The following EFCAB8 variants were observed in gnomAD, a reference collection of about 807,000 sequenced individuals.
EFCAB8 encodes the protein EF-hand calcium-binding domain-containing protein 8.
In EFCAB8, 100 loss-of-function variants were observed where a neutral mutation model predicts 116.3. That is an observed-to-expected ratio of 0.86 (90% CI 0.73 to 1.02). The LOEUF (loss-of-function observed/expected upper bound fraction) is 1.02, where lower values mean the gene tolerates loss of function less well. EFCAB8 is among the 50% of genes least tolerant of loss of function. The pLI, the probability that EFCAB8 is intolerant of heterozygous loss-of-function variation, is 0.00. For synonymous variants in EFCAB8, 558 were observed against 567.9 expected, an observed-to-expected ratio of 0.98 and a Z score of 0.25; for missense variants, 1,320 against 1,416.9, an observed-to-expected ratio of 0.93 and a Z score of 1.10.
chr20:32,894,448 G>A (rs934555055), intron 9 of EFCAB8, among the ~76,000 whole-genome samples: 20 of 152,244 alleles, frequency 1.3e-4, no homozygotes, highest in African/African-American at 2.9e-4. Context: ...CTGCGCCACC[G>A]TGGGAACTGG....
At chr20:32,886,718 TC>T (rs1985650596) in intron 6 of EFCAB8, among the ~76,000 whole-genome samples, 1 of 152,204 alleles carries the variant, frequency 6.6e-6, no homozygotes, top group South Asian at 2.1e-4. Context: ...TGCTACATGG[TC>T]ACCAAAGCAC....
rs531427230 is a variant in EFCAB8, at chr20:32,886,194, G to A, written c.567+554G>A. 3.9e-5 allele frequency among the ~76,000 whole-genome samples: 6 copies of A among 152,328 alleles called. No individual in the cohort carries two copies. The South Asian group carries it at 1.2e-3, about 32-fold the overall frequency. The stretch of plus-strand genomic sequence containing the variant: ...TCAGTTTTCCCATCTGTCAAATGGG[G>A]CTAGTTACAGTGCTTCTTTACAGTC... On this transcript the variant is annotated intron_variant, in intron 6 of 26. Coordinates refer to ENST00000400522, the MANE Select transcript of EFCAB8 (RefSeq NM_001143967.2).
chr20:32,864,487 T>G lies in EFCAB8; in HGVS notation c.42+653T>G, dbSNP rs553937125. Reference sequence around the variant, plus strand: ...GTCCCCGCTACTCCAGAGGCTGAGGTGGGGGGATTGCTTGAGCCTGGGATG... The same window carrying G: ...GTCCCCGCTACTCCAGAGGCTGAGGGGGGGGGATTGCTTGAGCCTGGGATG... On this transcript the variant is annotated intron_variant, in intron 2 of 26. Coordinates refer to ENST00000400522, the MANE Select transcript of EFCAB8 (RefSeq NM_001143967.2). Among the ~76,000 whole-genome samples, 930 of 151,842 alleles carry G rather than the reference T, an allele frequency of 6.1e-3. 10 individuals carry two copies. The highest frequency in any genetic ancestry group is 0.021 in the African/African-American group (871 of 41,446).
chr20:32,928,218 A>G (rs566067081), intron 20 of EFCAB8, among the ~76,000 whole-genome samples: 13 of 150,858 alleles, frequency 8.6e-5, no homozygotes, highest in Non-Finnish European at 1.3e-4. Flanking sequence ...ACGTTAGTGT[A>G]TAGAAATGCA....
intron 23 of EFCAB8, among the ~76,000 whole-genome samples, chr20:32,948,352 A>G (rs1212175748): frequency 1.3e-5 from 2 of 152,170 alleles, no homozygotes; most frequent in African/African-American, 2.4e-5. Context: ...CCTTACAAAG[A>G]TACCTCCAGG....
rs1181875765 is a variant in EFCAB8 at position 32,895,731 on chromosome 20, C to G, written c.884-723C>G. On this transcript the variant is annotated intron_variant, in intron 9 of 26. Transcript: ENST00000400522. ...TGATTACAGGCACACACCACCATGC[C>G]CGGCTAATTTTTGTATTTTTGTAAA... Among the ~76,000 whole-genome samples, 3 of 151,956 alleles carry G rather than the reference C, an allele frequency of 2.0e-5. No homozygotes were observed. In the East Asian group the frequency reaches 5.8e-4, roughly 29 times the overall value.
Position 32,911,438 on chromosome 20 carries a change from C to T in EFCAB8, c.1558-42C>T, listed in dbSNP as rs976433854. ...TGGAGACCACCCTTGGGAGTGGAGG[C>T]CCCGGCCTCTCCAGCAGCCCCCAGC... On this transcript the variant is annotated intron_variant, in intron 15 of 26. Coordinates refer to ENST00000400522, the MANE Select transcript of EFCAB8 (RefSeq NM_001143967.2). The T allele has an allele frequency of 2.1e-6, 3 of 1,435,586 alleles. No individual in the cohort carries two copies. In the African/African-American group the frequency reaches 4.3e-5, roughly 21 times the overall value. The allele number at this position is 1,435,586 out of a possible 1,614,324, so 88.9% of individuals were successfully genotyped here.
At chr20:32,896,404 A>G (rs771128080) in intron 9 of EFCAB8, 50 bp from the exon 10 acceptor site, 1 of 710,146 alleles carries the variant, frequency 1.4e-6, no homozygotes, top group South Asian at 1.5e-5. Flanking sequence ...TTGCTTGCCA[A>G]GCGAAGGGGG....
intron 6 of EFCAB8, among the ~76,000 whole-genome samples, chr20:32,887,062 G>A (rs752418377): frequency 6.6e-6 from 1 of 152,108 alleles, no homozygotes; most frequent in African/African-American, 2.4e-5. Flanking sequence ...TGTCTTCACC[G>A]CCAGAACCAC....
Position 32,909,939 on chromosome 20 carries a change from G to A in EFCAB8, c.1557+8G>A, listed in dbSNP as rs1326326721. On this transcript the variant is annotated splice_region_variant and intron_variant, in intron 15 of 26. Transcript: ENST00000400522. ...AGCAAGATCTTTAAGCAGGTGAGTG[G>A]CCCAGGGCTCGCCTCTGAGGCTGGC... The A allele has an allele frequency of 4.8e-6, 6 of 1,242,316 alleles. No individual in the cohort carries two copies. The highest frequency in any genetic ancestry group is 1.0e-6 in the Non-Finnish European group (1 of 982,038). The allele number at this position is 1,242,316 out of a possible 1,614,324, so 77.0% of individuals were successfully genotyped here.
intron 3 of EFCAB8, among the ~76,000 whole-genome samples, chr20:32,872,437 C>A (rs746850046): frequency 1.3e-5 from 2 of 152,126 alleles, no homozygotes; most frequent in Non-Finnish European, 2.9e-5. Context: ...GCAACAGGCT[C>A]ATGCCTGCCA....
In EFCAB8 at chr20:32,917,349, C is replaced by A. The variant is rs374882608; in HGVS notation, c.1905C>A (p.Tyr635Ter). The change falls in exon 18 of 27, where the codon TAC (tyrosine) becomes TAA (stop). Residue 635 changes from tyrosine (Y) to a stop codon, truncating the protein, a stop_gained. Transcript: ENST00000400522. LOFTEE classifies it high-confidence loss of function. ...TCTTGTGCTACCACTGGCAGACCTACCACACGGAGGACATCCTGAGCATGG... is the reference window on the plus strand; with the variant it reads ...TCTTGTGCTACCACTGGCAGACCTAACACACGGAGGACATCCTGAGCATGG... ...PVLLCYHWQT[Y>*]HTEDILSMAK... is the part of the protein sequence containing the mutation. 5.9e-5 allele frequency: 92 copies of A among 1,551,746 alleles called. No individual in the cohort carries two copies. In the African/African-American group the frequency reaches 1.0e-3, roughly 17 times the overall value.
chr20:32,916,221 G>A (rs1339696758), intron 17 of EFCAB8, among the ~76,000 whole-genome samples: 5 of 152,140 alleles, frequency 3.3e-5, no homozygotes, highest in Non-Finnish European at 7.3e-5. Context: ...TTCTCACATG[G>A]TAGAGAGGAC....
chr20:32,934,867 C>T (rs1183751696), intron 22 of EFCAB8, among the ~76,000 whole-genome samples: 2 of 152,158 alleles, frequency 1.3e-5, no homozygotes, highest in African/African-American at 4.8e-5. Flanking sequence ...ATAAATTACC[C>T]AGTCTCGGAT....
chr20:32,952,246 C>T (rs1600468442), intron 23 of EFCAB8, among the ~76,000 whole-genome samples: 1 of 151,474 alleles, frequency 6.6e-6, no homozygotes, highest in Non-Finnish European at 1.5e-5. Flanking sequence ...GCCTGGGCAA[C>T]AGAATAAGAC....
Position 32,885,656 on chromosome 20 carries a change from A to T in EFCAB8, c.567+16A>T. The T allele has an allele frequency of 6.4e-7, 1 of 1,551,586 alleles. No homozygotes were observed. The highest frequency in any genetic ancestry group is 8.7e-7 in the Non-Finnish European group (1 of 1,146,920). The stretch of plus-strand genomic sequence containing the variant: ...CTCCTTTAGGGTGAGTGGGGCCCCT[A>T]CACATGGTGCACACATGGGTGATTG... On this transcript the variant is annotated intron_variant, in intron 6 of 26. Coordinates refer to ENST00000400522, the MANE Select transcript of EFCAB8 (RefSeq NM_001143967.2).
intron 5 of EFCAB8, among the ~76,000 whole-genome samples, chr20:32,883,914 C>A (rs948014433): frequency 6.6e-6 from 1 of 152,128 alleles, no homozygotes; most frequent in African/African-American, 2.4e-5. Context: ...TGGTCTTGAA[C>A]TCCTGACCTC....
At position 32,959,962 on chromosome 20, in the gene EFCAB8, T is replaced by TG; in HGVS notation, c.3277dup (p.Glu1093GlyfsTer16). 1 of 1,551,488 alleles carries TG rather than the reference T, an allele frequency of 6.4e-7. No homozygotes were observed. The highest frequency in any genetic ancestry group is 8.7e-7 in the Non-Finnish European group (1 of 1,146,944). ...AGACATTGAGGACAGCTGGAACAAGTGGGAGTCCAGGGACAAGCAGGTGAG... is the reference window on the plus strand; with the variant it reads ...AGACATTGAGGACAGCTGGAACAAGTGGGGAGTCCAGGGACAAGCAGGTGAG... On this transcript the variant is annotated frameshift_variant, in exon 25 of 27. Transcript: ENST00000400522. LOFTEE classifies it high-confidence loss of function.
chr20:32,940,045 C>CTTCT (rs1412342877), intron 22 of EFCAB8, among the ~76,000 whole-genome samples: 5 of 113,698 alleles, frequency 4.4e-5, no homozygotes, highest in African/African-American at 1.6e-4. Flanking sequence ...TCCTTCCTTC[C>CTTCT]TTCCTTCCTT....
Sources: gnomAD v4.1 joint callset for allele counts (sites outside exome capture counted in the v4.1 genomes callset) on GRCh38, gnomAD v4.1.1 for gene constraint, MANE v1.5 for transcripts, NCBI Gene and HGNC (gene_info 2026-07-23, HGNC 2026-07-21) for gene names.